PARVA: variants seen among roughly 807,000 people sequenced by gnomAD.
PARVA encodes the protein alpha-parvin.
PARVA carries 25 observed loss-of-function variants against 52.6 expected under a neutral mutation model. The ratio of observed to expected loss-of-function variants is 0.48; its 90% confidence interval spans 0.35 to 0.66. The LOEUF is 0.66. PARVA is among the 30% of genes least tolerant of loss of function. The pLI is 0.01. For missense variants in PARVA, 373 were observed against 450.9 expected, an observed-to-expected ratio of 0.83 and a Z score of 1.56; for synonymous variants, 185 against 179.1, an observed-to-expected ratio of 1.03 and a Z score of -0.26.
At chr11:12,507,251 C>G (rs1425025394) in intron 6 of PARVA, among the ~76,000 whole-genome samples, 1 of 152,192 alleles carries the variant, frequency 6.6e-6, no homozygotes, top group Non-Finnish European at 1.5e-5. Flanking sequence ...TTCAGAGGCT[C>G]CTTCCTTCTT....
chr11:12,413,798 A>C (rs950022543), intron 1 of PARVA, among the ~76,000 whole-genome samples: 3 of 152,218 alleles, frequency 2.0e-5, no homozygotes, highest in African/African-American at 7.2e-5. Flanking sequence ...CCAGAACCAA[A>C]CTTGGAGAAC....
chr11:12,520,264 C>T (rs756136887), intron 12 of PARVA, among the ~76,000 whole-genome samples: 6 of 152,102 alleles, frequency 3.9e-5, no homozygotes, highest in Non-Finnish European at 5.9e-5. Flanking sequence ...ATTTCCAGTA[C>T]GTAAAGGGGA....
intron 1 of PARVA, among the ~76,000 whole-genome samples, chr11:12,437,026 AG>A (rs1940396076): frequency 6.6e-6 from 1 of 152,210 alleles, no homozygotes; most frequent in South Asian, 2.1e-4. Flanking sequence ...ATCACCACCA[AG>A]GGAGAAACTT....
intron 1 of PARVA, among the ~76,000 whole-genome samples, chr11:12,384,809 G>T (rs1228568618): frequency 6.6e-6 from 1 of 152,154 alleles, no homozygotes; most frequent in Admixed American, 6.5e-5. Flanking sequence ...TGGAACGGGG[G>T]TTGGTCCCGG....
intron 1 of PARVA, among the ~76,000 whole-genome samples, chr11:12,390,365 G>A (rs988859075): frequency 6.6e-6 from 1 of 152,184 alleles, no homozygotes; most frequent in Admixed American, 6.5e-5. Flanking sequence ...AGGAAGCAGG[G>A]CACACCAGGT....
intron 1 of PARVA, among the ~76,000 whole-genome samples, chr11:12,383,102 G>T (rs982746220): frequency 6.6e-6 from 1 of 152,164 alleles, no homozygotes; most frequent in African/African-American, 2.4e-5. Context: ...TTCCCAAGAT[G>T]ACACATTTCA....
At chr11:12,390,220 C>G (rs1214866165) in intron 1 of PARVA, among the ~76,000 whole-genome samples, 1 of 152,178 alleles carries the variant, frequency 6.6e-6, no homozygotes, top group Non-Finnish European at 1.5e-5. Context: ...CTTTCCAATT[C>G]AAAACGATTA....
At chr11:12,449,907 G>A (rs1940600913) in intron 1 of PARVA, among the ~76,000 whole-genome samples, 1 of 152,176 alleles carries the variant, frequency 6.6e-6, no homozygotes, top group African/African-American at 2.4e-5. Flanking sequence ...TATTGTCTTA[G>A]GATTCTACTC....
chr11:12,388,942 TA>T (rs1226164539), intron 1 of PARVA, among the ~76,000 whole-genome samples: 1 of 152,162 alleles, frequency 6.6e-6, no homozygotes, highest in Non-Finnish European at 1.5e-5. Flanking sequence ...GGTAGAGTCC[TA>T]AAAGTGCAAT....
chr11:12,484,736 G>A (rs561598957), intron 4 of PARVA, among the ~76,000 whole-genome samples: 1 of 151,492 alleles, frequency 6.6e-6, no homozygotes, highest in South Asian at 2.1e-4. Flanking sequence ...ATACAGGTCT[G>A]TAAGAGATCA....
chr11:12,530,088 A>G lies in PARVA; in HGVS notation c.*2163A>G, dbSNP rs1002101092. ...TTTCTTATATTCAAGTTACAAATGT[A>G]CAAGTATCCTTACTAAGAGTGCTCC... On this transcript the variant is annotated 3_prime_UTR_variant, in exon 13 of 13. Coordinates refer to ENST00000334956, the MANE Select transcript of PARVA (RefSeq NM_018222.5). 5.3e-5 allele frequency: 8 copies of G among 152,214 alleles called. No individual in the cohort carries two copies. The highest frequency in any genetic ancestry group is 1.9e-4 in the African/African-American group (8 of 41,458). 9.4% of individuals were successfully genotyped at this position (152,214 alleles called of 1,614,324 possible).
chr11:12,377,872 C>G, intron 1 of PARVA, 89 bp downstream of exon 1: 2 of 961,720 alleles, frequency 2.1e-6, no homozygotes, highest in Non-Finnish European at 2.7e-6. Flanking sequence ...CGGGCGGGAG[C>G]GCGCCGCGGG....
intron 5 of PARVA, among the ~76,000 whole-genome samples, chr11:12,496,977 G>C (rs1941307672): frequency 6.6e-6 from 1 of 152,148 alleles, no homozygotes; most frequent in Admixed American, 6.5e-5. Flanking sequence ...TCACACAGCT[G>C]AGAAGCAGGG....
intron 1 of PARVA, among the ~76,000 whole-genome samples, chr11:12,385,699 A>G (rs767392259): frequency 2.0e-5 from 3 of 152,234 alleles, no homozygotes; most frequent in East Asian, 3.8e-4. Context: ...AAGTGTGGCT[A>G]TGTTCCCATA....
chr11:12,432,781 G>A (rs1940332641), intron 1 of PARVA, among the ~76,000 whole-genome samples: 1 of 152,208 alleles, frequency 6.6e-6, no homozygotes, highest in Non-Finnish European at 1.5e-5. Context: ...TAGCACAGTT[G>A]GTGCTGCATT....
At chr11:12,496,686 G>T (rs1445929287) in intron 5 of PARVA, 88 bp downstream of exon 5, 6 of 1,366,762 alleles carry the variant, frequency 4.4e-6, no homozygotes, top group Non-Finnish European at 6.0e-6. Context: ...CATAAGCTTG[G>T]CAGGCTTCAG....
chr11:12,465,804 T>C (rs1207399222), intron 1 of PARVA, among the ~76,000 whole-genome samples: 2 of 152,234 alleles, frequency 1.3e-5, no homozygotes, highest in East Asian at 3.8e-4. Context: ...TGATTATGAA[T>C]AAAGCTGCTA....
At position 12,477,836 on chromosome 11, in the gene PARVA, T is replaced by C; in HGVS notation, c.298-11T>C. ...CTTACTATTGCACATTCCCTTTCTC[T>C]CTCTCTGTAGGTATTAATTGACTGG... On this transcript the variant is annotated splice_polypyrimidine_tract_variant and intron_variant, in intron 3 of 12. Coordinates refer to ENST00000334956, the MANE Select transcript of PARVA (RefSeq NM_018222.5). 7.1e-7 allele frequency: 1 copy of C among 1,407,290 alleles called. No individual in the cohort carries two copies. The highest frequency in any genetic ancestry group is 1.7e-5 in the Admixed American group (1 of 59,762). 87.2% of individuals were successfully genotyped at this position (1,407,290 alleles called of 1,614,324 possible).
intron 1 of PARVA, among the ~76,000 whole-genome samples, chr11:12,406,205 G>C (rs1291830127): frequency 1.3e-5 from 2 of 152,236 alleles, no homozygotes; most frequent in Non-Finnish European, 2.9e-5. Context: ...AACCCAGCAG[G>C]CTGGAAATTC....
Sources: gnomAD v4.1 joint callset for allele counts (sites outside exome capture counted in the v4.1 genomes callset) on GRCh38, gnomAD v4.1.1 for gene constraint, MANE v1.5 for transcripts, NCBI Gene and HGNC (gene_info 2026-07-23, HGNC 2026-07-21) for gene names.